ST6GAL1: variants seen among roughly 807,000 people sequenced by gnomAD.
The protein encoded by ST6GAL1 is beta-galactoside alpha-2,6-sialyltransferase 1.
Under a neutral mutation model 38.0 loss-of-function variants are expected in ST6GAL1, and 20 were observed. That is an observed-to-expected ratio of 0.53 (90% confidence interval 0.37 to 0.77). ST6GAL1 has a LOEUF of 0.77. Ranked by LOEUF, ST6GAL1 falls within the 30% of genes least tolerant of loss-of-function variation. The pLI is 0.00. For synonymous variants in ST6GAL1, 196 were observed against 188.2 expected (o/e 1.04, Z -0.34); for missense variants, 432 against 496.4 (o/e 0.87, Z 1.23).
chr3:186,945,148 A>G (rs559007168), intron 1 of ST6GAL1, among the ~76,000 whole-genome samples: 3 of 152,156 alleles, frequency 2.0e-5, no homozygotes, highest in Admixed American at 1.3e-4. Context: ...GCGAGACCCT[A>G]ATGAAAATCA....
chr3:187,043,126 C>A lies in ST6GAL1; in HGVS notation c.423C>A (p.Arg141=). Residue 141 remains arginine (R), a synonymous_variant, in exon 4 of 8, where the codon CGC becomes CGA. Transcript: ENST00000169298. The part of the protein sequence containing the change: ...PGIKFSAEAL[R]CHLRDHVNVS... ...TCAAGTTCAGTGCAGAGGCCCTGCG[C>A]TGCCACCTCCGGGACCATGTGAATG... 2 of 1,614,242 alleles carry A rather than the reference C, an allele frequency of 1.2e-6. No individual in the cohort carries two copies. Among genetic ancestry groups the A allele is most frequent in the Non-Finnish European group, 1.7e-6 (2 of 1,180,040 alleles).
At chr3:186,965,512 C>A (rs1288377728) in intron 2 of ST6GAL1, among the ~76,000 whole-genome samples, 2 of 152,154 alleles carry the variant, frequency 1.3e-5, no homozygotes, top group Non-Finnish European at 2.9e-5. Context: ...ACCAGTTTAT[C>A]CTTGTAGAAT....
At chr3:186,931,571 G>C (rs1713753740) in intron 1 of ST6GAL1, among the ~76,000 whole-genome samples, 2 of 152,198 alleles carry the variant, frequency 1.3e-5, no homozygotes. Flanking sequence ...ATGTGGGTTG[G>C]GTTAAGGGTC....
At chr3:186,935,928 G>C (rs979685211) in intron 1 of ST6GAL1, among the ~76,000 whole-genome samples, 2 of 151,470 alleles carry the variant, frequency 1.3e-5, no homozygotes, top group Non-Finnish European at 2.9e-5. Flanking sequence ...TCACACATAA[G>C]TGAGTAATAT....
At chr3:187,050,267 G>A (rs554648560) in intron 4 of ST6GAL1, among the ~76,000 whole-genome samples, 30 of 152,260 alleles carry the variant, frequency 2.0e-4, no homozygotes, top group African/African-American at 6.3e-4. Context: ...GTAGATTTCA[G>A]TGGTGAGCCC....
At chr3:186,987,370 G>A (rs185116671) in intron 2 of ST6GAL1, among the ~76,000 whole-genome samples, 2 of 152,262 alleles carry the variant, frequency 1.3e-5, no homozygotes, top group African/African-American at 4.8e-5. Flanking sequence ...TATTACATCA[G>A]TGTTTTAGGT....
Position 187,075,783 on chromosome 3 carries a change from T to A in ST6GAL1, c.1201T>A (p.Phe401Ile). The stretch of plus-strand genomic sequence containing the variant: ...GCTTGGAAAAGCCACACTGCCTGGC[T>A]TCCGGACCATTCACTGCTAAGCACA... ...YLLGKATLPG[F>I]RTIHC The change falls in exon 8 of 8, where the codon TTC becomes ATC. Residue 401 changes from phenylalanine (F) to isoleucine (I), a missense_variant. Physicochemically the swap from Phe to Ile is conservative, Grantham distance 21. Coordinates refer to ENST00000169298, the MANE Select transcript of ST6GAL1 (RefSeq NM_173216.2). This position sits in a 1 kb window ranked among gnomAD's most constrained non-coding sequence, Gnocchi z 4.1. The A allele has an allele frequency of 6.2e-7, 1 of 1,614,220 alleles. No homozygotes were observed. The highest frequency in any genetic ancestry group is 1.6e-4 in the Middle Eastern group (1 of 6,062).
At chr3:187,057,657 T>C (rs1016092490) in intron 5 of ST6GAL1, among the ~76,000 whole-genome samples, 21 of 152,284 alleles carry the variant, frequency 1.4e-4, no homozygotes, top group African/African-American at 4.6e-4. Context: ...TCATTCTTCC[T>C]CTGGAAGCTT....
In ST6GAL1 at chr3:186,999,408, A is replaced by G. The variant is rs550336451; in HGVS notation, c.-183+35482A>G. Among the ~76,000 whole-genome samples the G allele has an allele frequency of 7.8e-5, 10 of 127,572 alleles. No individual in the cohort carries two copies. In the South Asian group the frequency reaches 1.1e-3, roughly 14 times the overall value. 83.7% of individuals were successfully genotyped at this position (127,572 alleles called of 152,430 possible). Reference sequence around the variant, plus strand: ...TGTCGCCTTGAAGGAAGACTACTATAATCTCTTTTTTTTTTTTTTTTGAGA... The same window carrying G: ...TGTCGCCTTGAAGGAAGACTACTATGATCTCTTTTTTTTTTTTTTTTGAGA... On this transcript the variant is annotated intron_variant, in intron 2 of 7. Transcript: ENST00000169298.
At chr3:186,985,870 TC>T (rs1715901714) in intron 2 of ST6GAL1, among the ~76,000 whole-genome samples, 1 of 152,104 alleles carries the variant, frequency 6.6e-6, no homozygotes, top group South Asian at 2.1e-4. Context: ...GCAGGAATCT[TC>T]CCCGTGTATG....
At position 186,973,657 on chromosome 3, in the gene ST6GAL1, T is replaced by C. The variant is rs1029322859; in HGVS notation, c.-183+9731T>C. ...TAATAATAGCTGGTTTGTAGATTGT[T>C]GTGAGGGCAAAGTGGAGAAGTGTCT... is the stretch of plus-strand genomic sequence containing the variant. On this transcript the variant is annotated intron_variant, in intron 2 of 7. Coordinates refer to ENST00000169298, the MANE Select transcript of ST6GAL1 (RefSeq NM_173216.2). Among the ~76,000 whole-genome samples, 4 of 152,214 alleles carry C rather than the reference T, an allele frequency of 2.6e-5. No homozygotes were observed. The East Asian group carries it at 7.7e-4, about 29-fold the overall frequency.
intron 2 of ST6GAL1, among the ~76,000 whole-genome samples, chr3:186,995,649 A>G (rs1299065810): frequency 1.3e-5 from 2 of 151,590 alleles, no homozygotes; most frequent in Non-Finnish European, 2.9e-5. Flanking sequence ...TTCGAGACCA[A>G]CCTGGCCAAC....
intron 2 of ST6GAL1, among the ~76,000 whole-genome samples, chr3:186,996,267 G>GA (rs2108549327): frequency 6.6e-6 from 1 of 152,248 alleles, no homozygotes; most frequent in South Asian, 2.1e-4. Flanking sequence ...TTGTGTTTTT[G>GA]ATACAGTAAG....
chr3:186,960,622 T>G (rs1308285519), intron 1 of ST6GAL1, among the ~76,000 whole-genome samples: 1 of 151,920 alleles, frequency 6.6e-6, no homozygotes, highest in Admixed American at 6.6e-5. Flanking sequence ...TCTGCAGTGC[T>G]GAGTATGGTG....
At chr3:186,991,158 G>A (rs560755536) in intron 2 of ST6GAL1, among the ~76,000 whole-genome samples, 1 of 152,170 alleles carries the variant, frequency 6.6e-6, no homozygotes, top group South Asian at 2.1e-4. Context: ...GCTGTGATTT[G>A]ACTTTTCAGC....
At chr3:186,993,965 T>C (rs1265958396) in intron 2 of ST6GAL1, among the ~76,000 whole-genome samples, 1 of 152,180 alleles carries the variant, frequency 6.6e-6, no homozygotes, top group East Asian at 1.9e-4. Flanking sequence ...TAGGTAGACA[T>C]GGCTCTACTT....
At chr3:187,049,685 T>A (rs1718444037) in intron 4 of ST6GAL1, among the ~76,000 whole-genome samples, 1 of 152,236 alleles carries the variant, frequency 6.6e-6, no homozygotes, top group African/African-American at 2.4e-5. Context: ...CCCAACTTGG[T>A]AAGTAGTCCT....
chr3:187,059,651 C>T (rs907140663), intron 5 of ST6GAL1, among the ~76,000 whole-genome samples: 9 of 152,138 alleles, frequency 5.9e-5, no homozygotes, highest in African/African-American at 2.2e-4. Flanking sequence ...GAGAATAATT[C>T]CCTTACAGGG....
intron 2 of ST6GAL1, among the ~76,000 whole-genome samples, chr3:187,022,409 G>A (rs943474351): frequency 5.3e-5 from 8 of 152,268 alleles, no homozygotes; most frequent in East Asian, 1.9e-4. Context: ...TCTTAAGTGC[G>A]TTTTAGGGAT....
Sources: allele counts gnomAD v4.1 joint callset (sites outside exome capture counted in the v4.1 genomes callset), GRCh38; gene constraint gnomAD v4.1.1; non-coding constraint Gnocchi (gnomAD v3.1); transcripts MANE v1.5; gene names NCBI Gene and HGNC (gene_info 2026-07-23, HGNC 2026-07-21).